ADAMTS18: variants seen among roughly 807,000 people sequenced by gnomAD.
The protein encoded by ADAMTS18 is A disintegrin and metalloproteinase with thrombospondin motifs 18.
A neutral mutation model predicts 165.9 loss-of-function variants in ADAMTS18; 157 were observed. The observed-to-expected ratio is 0.95, with a 90% CI of 0.83 to 1.08. ADAMTS18 has a LOEUF of 1.08. ADAMTS18 is among the 50% of genes least tolerant of loss of function. The pLI is 0.00. For missense variants in ADAMTS18, 2,040 were observed against 1,534.0 expected, an observed-to-expected ratio of 1.33 and a Z score of -5.51; for synonymous variants, 782 against 578.2, an observed-to-expected ratio of 1.35 and a Z score of -5.06.
At chr16:77,364,007 A>G (rs1379031843) in intron 5 of ADAMTS18, 122 bp from the exon 6 acceptor site, 10 of 1,210,712 alleles carry the variant, frequency 8.3e-6, no homozygotes, top group Non-Finnish European at 1.1e-5. Context: ...ACATATAAAT[A>G]CAATTTCCTC....
At position 77,395,342 on chromosome 16, in the gene ADAMTS18, A is replaced by G. The variant is rs369442376; in HGVS notation, c.496-27619T>C. Among the ~76,000 whole-genome samples the G allele has an allele frequency of 1.2e-4, 18 of 152,288 alleles. No homozygotes were observed. In the East Asian group the frequency reaches 3.5e-3, roughly 29 times the overall value. The stretch of plus-strand genomic sequence containing the variant: ...TCTGCAGCCTGTCAAGGACTCTGTT[A>G]CTTGGCTTTCTACTCTGTGTGGCTC... On this transcript the variant is annotated intron_variant, in intron 3 of 22. Transcript: ENST00000282849.
intron 3 of ADAMTS18, among the ~76,000 whole-genome samples, chr16:77,382,311 T>C (rs8050828): frequency 0.8 from 121,742 of 152,076 alleles, 49,042 homozygotes; most frequent in East Asian, 0.89. Context: ...CCCTGGTTCA[T>C]GCCATTCTCC....
chr16:77,411,677 AT>A (rs34453966), intron 3 of ADAMTS18, among the ~76,000 whole-genome samples: 12,971 of 72,840 alleles, frequency 0.18, 335 homozygotes, highest in Non-Finnish European at 0.24. Context: ...AGTATCCAGA[AT>A]TTTTTTTTTT....
Position 77,314,649 on chromosome 16 carries a change from G to GTGTGTGTGTGTGTATA in ADAMTS18, c.2532+5199_2532+5200insTATACACACACACACA, listed in dbSNP as rs10527824. On this transcript the variant is annotated intron_variant, in intron 16 of 22. Coordinates refer to ENST00000282849, the MANE Select transcript of ADAMTS18 (RefSeq NM_199355.4). The stretch of plus-strand genomic sequence containing the variant: ...AATGTGTGTGTATGTGTGTGTGTGT[G>GTGTGTGTGTGTGTATA]TATATATATATATGTACATATATAC... Among the ~76,000 whole-genome samples, 64 of 126,500 alleles carry GTGTGTGTGTGTGTATA rather than the reference G, an allele frequency of 5.1e-4. 1 individual carries two copies. Among genetic ancestry groups the GTGTGTGTGTGTGTATA allele is most frequent in the African/African-American group, 2.0e-3 (64 of 32,126 alleles). The allele number at this position is 126,500 out of a possible 152,430, so 83.0% of individuals were successfully genotyped here. A position where few individuals can be genotyped will look rare whatever the true frequency, so the allele number is the denominator to read the frequency against.
rs1437973862 is a variant in ADAMTS18, at chr16:77,367,513, A to T, written c.706T>A (p.Ser236Thr). Residue 236 changes from serine to threonine, a missense_variant, in exon 4 of 23, where the codon TCT (serine) becomes ACT (threonine). By Grantham distance (58) the Ser-to-Thr change is moderately conservative. Coordinates refer to ENST00000282849, the MANE Select transcript of ADAMTS18 (RefSeq NM_199355.4). ...TGATACTCTGTCTCTCGACTCTGAG[A>T]TGCATGGGGAATGTGACTTGGGGAG... ...GYSPSHIPHASQSRETEYHHR... is the reference protein window; with the variant it reads ...GYSPSHIPHATQSRETEYHHR... The T allele has an allele frequency of 6.2e-7, 1 of 1,614,196 alleles. No homozygotes were observed. The highest frequency in any genetic ancestry group is 2.2e-5 in the East Asian group (1 of 44,874).
chr16:77,411,901 A>G (rs944938065), intron 3 of ADAMTS18, among the ~76,000 whole-genome samples: 5 of 151,482 alleles, frequency 3.3e-5, no homozygotes, highest in African/African-American at 1.2e-4. Context: ...GTTGGCCAGG[A>G]TGGTCTTGAA....
chr16:77,404,126 G>T (rs1456979987), intron 3 of ADAMTS18, among the ~76,000 whole-genome samples: 2 of 150,956 alleles, frequency 1.3e-5, no homozygotes, highest in Non-Finnish European at 2.9e-5. Context: ...AAAAAGCTTT[G>T]CCCTTTAAAG....
At chr16:77,362,083 G>A (rs375590399) in intron 7 of ADAMTS18, 22 bp downstream of exon 7, 4 of 1,613,598 alleles carry the variant, frequency 2.5e-6, no homozygotes, top group South Asian at 1.1e-5. Flanking sequence ...AGGTGTGTGT[G>A]AAGGATCTGT....
chr16:77,288,644 T>C lies in ADAMTS18; in HGVS notation c.3550+620A>G, dbSNP rs2055302364. On this transcript the variant is annotated intron_variant, in intron 22 of 22. Transcript: ENST00000282849. ...TTACTTTTGATTTCTGAATTTTTTA[T>C]ATCTTCAACAAACATGAACATCTTT... Among the ~76,000 whole-genome samples the C allele has an allele frequency of 2.0e-5, 3 of 152,220 alleles. No homozygotes were observed. The South Asian group carries it at 6.2e-4, about 32-fold the overall frequency.
At chr16:77,428,184 C>T (rs1196106506) in intron 3 of ADAMTS18, among the ~76,000 whole-genome samples, 1 of 152,170 alleles carries the variant, frequency 6.6e-6, no homozygotes, top group Non-Finnish European at 1.5e-5. Context: ...CTCCCAGTCT[C>T]ATTCATCTCT....
At chr16:77,409,585 G>A (rs2057434989) in intron 3 of ADAMTS18, among the ~76,000 whole-genome samples, 1 of 152,172 alleles carries the variant, frequency 6.6e-6, no homozygotes, top group African/African-American at 2.4e-5. Context: ...AAAACCATGT[G>A]CTCTGTTCGG....
chr16:77,361,150 T>C (rs1347648283), intron 7 of ADAMTS18, among the ~76,000 whole-genome samples: 2 of 152,160 alleles, frequency 1.3e-5, no homozygotes, highest in Non-Finnish European at 2.9e-5. Context: ...ATTTACATAT[T>C]ACTTGTGGCT....
chr16:77,341,706 T>C lies in ADAMTS18; in HGVS notation c.1708A>G (p.Met570Val), dbSNP rs1344851696. The C allele has an allele frequency of 1.2e-6, 2 of 1,612,916 alleles. No homozygotes were observed. Among genetic ancestry groups the C allele is most frequent in the South Asian group, 1.1e-5 (1 of 90,854 alleles). ...AAACTAACAAGTATGCAGTTTACCA[T>C]ACTCAAGCCACAAACGGTCCCTTCT... ...AAEGTVCGLS[M>V]WCRQGQCVKF... Residue 570 changes from methionine (M) to valine (V), a missense_variant and splice_region_variant, in exon 11 of 23, where the codon ATG (methionine) becomes GTG (valine). Physicochemically the swap from Met to Val is conservative, Grantham distance 21. Coordinates refer to ENST00000282849, the MANE Select transcript of ADAMTS18 (RefSeq NM_199355.4).
chr16:77,313,333 T>C (rs1345355950), intron 16 of ADAMTS18, among the ~76,000 whole-genome samples: 1 of 151,972 alleles, frequency 6.6e-6, no homozygotes, highest in Non-Finnish European at 1.5e-5. Flanking sequence ...TTAGGAGATA[T>C]ACCTAACGTA....
chr16:77,314,783 T>TATATATATATATATATATATATATAA (rs2055856112), intron 16 of ADAMTS18, among the ~76,000 whole-genome samples: 1 of 90,638 alleles, frequency 1.1e-5, no homozygotes. Context: ...TATATATATA[T>TATATATATATATATATATATATATAA]ATAAAATATA....
chr16:77,283,987 T>G lies in ADAMTS18; in HGVS notation c.3635A>C (p.Gln1212Pro). ...CTTCCTTGTGCATGACTTGCAGCATTGTTTTCCGTAAAACTTGTGGTTGCA... is the reference window on the plus strand; with the variant it reads ...CTTCCTTGTGCATGACTTGCAGCATGGTTTTCCGTAAAACTTGTGGTTGCA... Reference protein sequence around the residue: ...GVCNHKFYGKQCCKSCTRKI With the variant: ...GVCNHKFYGKPCCKSCTRKI The change falls in exon 23 of 23, where the codon CAA becomes CCA. Residue 1212 changes from glutamine (Q) to proline (P), a missense_variant. By Grantham distance (76) the Gln-to-Pro change is moderately conservative (BLOSUM62 -1). Coordinates refer to ENST00000282849, the MANE Select transcript of ADAMTS18 (RefSeq NM_199355.4). 1.9e-6 allele frequency: 3 copies of G among 1,614,050 alleles called. No homozygotes were observed. The highest frequency in any genetic ancestry group is 2.5e-6 in the Non-Finnish European group (3 of 1,179,924).
intron 10 of ADAMTS18, among the ~76,000 whole-genome samples, chr16:77,348,093 T>A (rs571131297): frequency 1.3e-5 from 2 of 152,156 alleles, no homozygotes; most frequent in African/African-American, 4.8e-5. Context: ...CACTACAATT[T>A]TGACTCTAAA....
intron 3 of ADAMTS18, among the ~76,000 whole-genome samples, chr16:77,380,236 A>G (rs117973336): frequency 0.02 from 3,006 of 152,344 alleles, 37 homozygotes; most frequent in Middle Eastern, 0.031. Flanking sequence ...TGACACAAAG[A>G]TTAACAGATT....
intron 12 of ADAMTS18, among the ~76,000 whole-genome samples, chr16:77,333,205 G>A (rs573369024): frequency 7.2e-5 from 11 of 152,140 alleles, no homozygotes; most frequent in African/African-American, 2.4e-4. Flanking sequence ...CGGTGCACAT[G>A]GACTTTATAT....
Sources: gnomAD v4.1 joint callset for allele counts (sites outside exome capture counted in the v4.1 genomes callset) on GRCh38, gnomAD v4.1.1 for gene constraint, MANE v1.5 for transcripts, NCBI Gene and HGNC (gene_info 2026-07-23, HGNC 2026-07-21) for gene names.